The following TFCP2L1 variants were observed in gnomAD, a reference collection of about 807,000 sequenced individuals.
The protein encoded by TFCP2L1 is transcription factor CP2 like 1.
In TFCP2L1, 12 loss-of-function variants were observed where a neutral mutation model predicts 72.2. The ratio of observed to expected loss-of-function variants is 0.17; its 90% CI spans 0.11 to 0.27. The LOEUF (loss-of-function observed/expected upper bound fraction) is 0.27. Among genes scored for constraint, TFCP2L1 ranks in the 10% least tolerant of loss-of-function variants. TFCP2L1 has a pLI of 1.00. For missense variants in TFCP2L1, 488 were observed against 624.6 expected (o/e 0.78, Z 2.33); for synonymous variants, 260 against 251.0 (o/e 1.04, Z -0.34).
chr2:121,258,784 G>T (rs1457147115), intron 2 of TFCP2L1, among the ~76,000 whole-genome samples: 2 of 152,160 alleles, frequency 1.3e-5, no homozygotes, highest in African/African-American at 4.8e-5. Context: ...TCTGGATCAA[G>T]GCAAAAACCT....
At chr2:121,237,449 TG>T (rs1268084575) in intron 10 of TFCP2L1, among the ~76,000 whole-genome samples, 173 bp downstream of exon 10, 1 of 152,170 alleles carries the variant, frequency 6.6e-6, no homozygotes, top group East Asian at 1.9e-4. Flanking sequence ...GCATCACCTA[TG>T]TCCAGCACTT....
chr2:121,265,275 G>A lies in TFCP2L1; in HGVS notation c.215-15628C>T, dbSNP rs1022569726. Reference sequence around the variant, plus strand: ...TGAAAAGTCTAGAATAGGCAAGTGGGTAGAGATAAAGTAGATTACTGGTTG... The same window carrying A: ...TGAAAAGTCTAGAATAGGCAAGTGGATAGAGATAAAGTAGATTACTGGTTG... On this transcript the variant is annotated intron_variant, in intron 2 of 14. Transcript: ENST00000263707. Among the ~76,000 whole-genome samples, 11 of 152,198 alleles carry A rather than the reference G, an allele frequency of 7.2e-5. No homozygotes were observed. In the East Asian group the frequency reaches 1.2e-3, roughly 16 times the overall value.
At chr2:121,241,322 C>T (rs6757766) in intron 7 of TFCP2L1, among the ~76,000 whole-genome samples, 17,048 of 152,026 alleles carry the variant, frequency 0.11, 1,101 homozygotes, top group Middle Eastern at 0.15. Context: ...GGTGAAACCC[C>T]GTCTCTACTA....
intron 8 of TFCP2L1, among the ~76,000 whole-genome samples, chr2:121,239,044 T>C (rs1395581306): frequency 1.3e-5 from 2 of 152,108 alleles, no homozygotes; most frequent in Non-Finnish European, 2.9e-5. Context: ...GGAGAGTGAC[T>C]GTCCTGTCAC....
At chr2:121,235,395 A>G in intron 10 of TFCP2L1, 84 bp from the exon 11 acceptor site, 2 of 728,460 alleles carry the variant, frequency 2.7e-6, no homozygotes, top group Non-Finnish European at 4.7e-6. Context: ...ACCCCATAGC[A>G]CTGGGGGTGG....
chr2:121,265,997 C>G (rs1573389374), intron 2 of TFCP2L1, among the ~76,000 whole-genome samples: 1 of 151,666 alleles, frequency 6.6e-6, no homozygotes, highest in African/African-American at 2.4e-5. Context: ...TCCTGAGTAG[C>G]TAGGACCACA....
intron 8 of TFCP2L1, among the ~76,000 whole-genome samples, chr2:121,239,025 C>T (rs1686307996): frequency 6.6e-6 from 1 of 152,126 alleles, no homozygotes. Flanking sequence ...GTGCAGCCCA[C>T]AACACTCAGG....
At chr2:121,282,429 C>T (rs1278839332) in intron 1 of TFCP2L1, among the ~76,000 whole-genome samples, 1 of 150,830 alleles carries the variant, frequency 6.6e-6, no homozygotes, top group African/African-American at 2.4e-5. Context: ...GCCTGAAATC[C>T]CAGTACTTTG....
rs375724758 is a variant in TFCP2L1, at chr2:121,270,121, C to T, written c.214+10999G>A. On this transcript the variant is annotated intron_variant, in intron 2 of 14. Transcript: ENST00000263707. ...AAGAGTAAAATGAAAAAATATTTCA[C>T]ATCATTGAGGAAAGGAGAATTAAAA... Among the ~76,000 whole-genome samples the T allele has an allele frequency of 3.4e-4, 51 of 152,016 alleles. 1 individual carries two copies. Among genetic ancestry groups the T allele is most frequent in the African/African-American group, 1.2e-3 (50 of 41,416 alleles).
At chr2:121,271,254 C>G (rs1319055915) in intron 2 of TFCP2L1, among the ~76,000 whole-genome samples, 1 of 151,326 alleles carries the variant, frequency 6.6e-6, no homozygotes, top group East Asian at 1.9e-4. Flanking sequence ...AAATATGATC[C>G]CATTTGTCTT....
intron 2 of TFCP2L1, among the ~76,000 whole-genome samples, chr2:121,256,645 T>C (rs1246764136): frequency 6.6e-6 from 1 of 152,008 alleles, no homozygotes; most frequent in Non-Finnish European, 1.5e-5. Context: ...GGCATGGTGG[T>C]GGGCGCCTGT....
chr2:121,278,880 TG>T (rs2104767122), intron 2 of TFCP2L1, among the ~76,000 whole-genome samples: 1 of 151,238 alleles, frequency 6.6e-6, no homozygotes, highest in Admixed American at 6.6e-5. Flanking sequence ...AGCACACGCC[TG>T]AAAAACCAGC....
chr2:121,280,619 G>T (rs573872357), intron 2 of TFCP2L1, among the ~76,000 whole-genome samples: 3 of 151,810 alleles, frequency 2.0e-5, no homozygotes, highest in African/African-American at 7.2e-5. Flanking sequence ...AAATTAGCCG[G>T]GCATGGCGGT....
chr2:121,280,008 A>T (rs943587884), intron 2 of TFCP2L1, among the ~76,000 whole-genome samples: 1 of 152,110 alleles, frequency 6.6e-6, no homozygotes, highest in African/African-American at 2.4e-5. Flanking sequence ...AGTGCAAAAA[A>T]CGCATACTCA....
rs888866933 is a variant in TFCP2L1 at position 121,218,371 on chromosome 2, A to G, written c.*5970T>C. 1 of 152,236 alleles carries G rather than the reference A, an allele frequency of 6.6e-6. No homozygotes were observed. Among genetic ancestry groups the G allele is most frequent in the Admixed American group, 6.5e-5 (1 of 15,290 alleles). The allele number at this position is 152,236 out of a possible 1,614,324, so 9.4% of individuals were successfully genotyped here. ...TCCCTATCATAAATCAGTGGCATAA[A>G]CAGCCAGTGGGCCAGGTGGGCCCAC... On this transcript the variant is annotated 3_prime_UTR_variant, in exon 15 of 15. Transcript: ENST00000263707.
intron 13 of TFCP2L1, 102 bp downstream of exon 13, chr2:121,231,724 T>A (rs908642707): frequency 1.3e-6 from 2 of 1,507,636 alleles, no homozygotes; most frequent in African/African-American, 2.7e-5. Flanking sequence ...GATGAACCTG[T>A]CTGTCACTCC....
chr2:121,267,591 A>G (rs915946615), intron 2 of TFCP2L1, among the ~76,000 whole-genome samples: 1 of 151,566 alleles, frequency 6.6e-6, no homozygotes, highest in Non-Finnish European at 1.5e-5. Context: ...CCTCCCGGAT[A>G]CAAGCGATTC....
chr2:121,231,759 A>T, intron 13 of TFCP2L1, 67 bp downstream of exon 13: 1 of 1,580,374 alleles, frequency 6.3e-7, no homozygotes. Context: ...TTTCTGGGGC[A>T]GGGGTTCTGA....
intron 12 of TFCP2L1, 109 bp downstream of exon 12, chr2:121,233,982 A>G (rs1686194646): frequency 3.1e-6 from 3 of 976,844 alleles, no homozygotes. Context: ...GTGGGAGCCC[A>G]GGACTGTCCT....
Sources: gnomAD v4.1 joint callset for allele counts (sites outside exome capture counted in the v4.1 genomes callset) on GRCh38, gnomAD v4.1.1 for gene constraint, MANE v1.5 for transcripts, NCBI Gene and HGNC (gene_info 2026-07-23, HGNC 2026-07-21) for gene names.